The following INIP variants were observed in gnomAD, a reference collection of about 807,000 sequenced individuals.
INIP encodes the protein SOSS complex subunit C.
A neutral mutation model predicts 14.0 loss-of-function variants in INIP; 9 were observed. The observed-to-expected ratio is 0.64, with a 90% confidence interval of 0.39 to 1.12. INIP has a LOEUF of 1.12. Ranked by LOEUF, INIP falls within the 50% of genes most tolerant of loss-of-function variation. The pLI is 0.01. For synonymous variants in INIP, 37 were observed against 41.5 expected, an observed-to-expected ratio of 0.89 and a Z score of 0.41; for missense variants, 78 against 122.7, an observed-to-expected ratio of 0.64 and a Z score of 1.72.
At chr9:112,697,265 TTGGGAGGCCAAAG>T (rs1287058138) in intron 2 of INIP, among the ~76,000 whole-genome samples, 1 of 152,096 alleles carries the variant, frequency 6.6e-6, no homozygotes, top group African/African-American at 2.4e-5. Context: ...TCCCAGCATT[TTGGGAGGCCAAAG>T]TGGGAGGACC....
At chr9:112,695,991 G>A (rs1354336014) in intron 2 of INIP, among the ~76,000 whole-genome samples, 1 of 152,030 alleles carries the variant, frequency 6.6e-6, no homozygotes, top group Non-Finnish European at 1.5e-5. Context: ...GGGCTCGAGC[G>A]ATCCTCCTGC....
At chr9:112,689,269 T>A (rs1247192130) in intron 4 of INIP, among the ~76,000 whole-genome samples, 5 of 152,158 alleles carry the variant, frequency 3.3e-5, no homozygotes, top group Admixed American at 3.3e-4. Context: ...TATCCTAGAC[T>A]CTTGTGCACA....
intron 2 of INIP, among the ~76,000 whole-genome samples, chr9:112,706,198 A>G (rs1303855022): frequency 1.3e-5 from 2 of 152,250 alleles, no homozygotes; most frequent in Admixed American, 1.3e-4. Context: ...ATGTCAGGCA[A>G]TAACAAACAT....
intron 2 of INIP, chr9:112,701,793 T>C (rs1838308069): frequency 6.6e-6 from 1 of 152,176 alleles, no homozygotes. Flanking sequence ...CTCACATTTG[T>C]AATCCTAGTG....
chr9:112,706,196 C>T (rs181924480), intron 2 of INIP, among the ~76,000 whole-genome samples: 14 of 152,266 alleles, frequency 9.2e-5, no homozygotes, highest in African/African-American at 2.9e-4. Context: ...AAATGTCAGG[C>T]AATAACAAAC....
rs1055969109 is a variant in INIP at position 112,689,424 on chromosome 9, A to G, written c.219+103T>C. The G allele has an allele frequency of 4.3e-6, 4 of 919,546 alleles. No individual in the cohort carries two copies. The African/African-American group carries it at 6.6e-5, about 15-fold the overall frequency. 57.0% of individuals were successfully genotyped at this position (919,546 alleles called of 1,614,324 possible). On this transcript the variant is annotated intron_variant, in intron 4 of 4. Coordinates refer to ENST00000374242, the MANE Select transcript of INIP (RefSeq NM_021218.3). ...AAACCATTGCAATTATGTGTGGAACATTTTTATTGATATTGCTCCACTGAA... is the reference window on the plus strand; with the variant it reads ...AAACCATTGCAATTATGTGTGGAACGTTTTTATTGATATTGCTCCACTGAA...
chr9:112,716,665 T>G (rs1838826948), intron 1 of INIP, 124 bp from the exon 2 acceptor site: 1 of 427,626 alleles, frequency 2.3e-6, no homozygotes, highest in Non-Finnish European at 4.3e-6. Flanking sequence ...GATACATTTG[T>G]GCCGGGCGCG....
chr9:112,693,812 C>T (rs1588074830), intron 3 of INIP, among the ~76,000 whole-genome samples: 3 of 152,198 alleles, frequency 2.0e-5, no homozygotes, highest in South Asian at 4.1e-4. Flanking sequence ...CGGTGGGTCA[C>T]GCCTGTAATC....
rs991747839 is a variant in INIP at position 112,686,887 on chromosome 9, T to G, written c.*651A>C. ...ACACTAAATAAGAGGATGTACAAATTAAAAACCTACCACATTCCCTATTAT... is the reference window on the plus strand; with the variant it reads ...ACACTAAATAAGAGGATGTACAAATGAAAAACCTACCACATTCCCTATTAT... On this transcript the variant is annotated 3_prime_UTR_variant, in exon 5 of 5. Transcript: ENST00000374242. 1 of 152,192 alleles carries G rather than the reference T, an allele frequency of 6.6e-6. No individual in the cohort carries two copies. Among genetic ancestry groups the G allele is most frequent in the Non-Finnish European group, 1.5e-5 (1 of 68,034 alleles). The allele number at this position is 152,192 out of a possible 1,614,324, so 9.4% of individuals were successfully genotyped here. A position where few individuals can be genotyped will look rare whatever the true frequency, so the allele number is the denominator to read the frequency against.
chr9:112,689,968 C>G (rs2131281109), intron 3 of INIP, among the ~76,000 whole-genome samples: 1 of 152,162 alleles, frequency 6.6e-6, no homozygotes, highest in East Asian at 1.9e-4. Context: ...GTCCTTACTT[C>G]TGAATCACAA....
At chr9:112,693,837 G>C (rs1347269755) in intron 3 of INIP, among the ~76,000 whole-genome samples, 1 of 152,230 alleles carries the variant, frequency 6.6e-6, no homozygotes, top group Non-Finnish European at 1.5e-5. Context: ...CACTTTGGGA[G>C]ACCAAGGCGG....
Position 112,689,613 on chromosome 9 carries a change from C to T in INIP, c.133G>A (p.Ala45Thr). 6.2e-7 allele frequency: 1 copy of T among 1,613,308 alleles called. No homozygotes were observed. The highest frequency in any genetic ancestry group is 8.5e-7 in the Non-Finnish European group (1 of 1,179,282). Residue 45 changes from alanine to threonine, a missense_variant, in exon 4 of 5, where the codon GCA (alanine) becomes ACA (threonine). Physicochemically the swap from Ala to Thr is moderately conservative, Grantham distance 58. Coordinates refer to ENST00000374242, the MANE Select transcript of INIP (RefSeq NM_021218.3). Reference protein sequence around the residue: ...SSTNHPGASIALSRPSLNKDF... With the variant: ...SSTNHPGASITLSRPSLNKDF... ...TTATTAAGAGAGGGTCTCGAGAGTG[C>T]AATGCTAAAATGGGAATCTTGGTTA...
intron 2 of INIP, among the ~76,000 whole-genome samples, chr9:112,702,510 G>C (rs1021962660): frequency 6.6e-6 from 1 of 152,144 alleles, no homozygotes; most frequent in Non-Finnish European, 1.5e-5. Context: ...GGTGGCATGG[G>C]AAAGAGAAAA....
rs1341361236 is a variant in INIP, at chr9:112,686,640, G to T, written c.*898C>A. 1 of 152,282 alleles carries T rather than the reference G, an allele frequency of 6.6e-6. No individual in the cohort carries two copies. Among genetic ancestry groups the T allele is most frequent in the Non-Finnish European group, 1.5e-5 (1 of 68,120 alleles). The allele number at this position is 152,282 out of a possible 1,614,324, so 9.4% of individuals were successfully genotyped here. ...GCCTCCTGAGTAGCTGGGATTACAG[G>T]CGTGTGCCACCACACATGGCTAATT... On this transcript the variant is annotated 3_prime_UTR_variant, in exon 5 of 5. Transcript: ENST00000374242.
At position 112,713,702 on chromosome 9, in the gene INIP, T is replaced by TATCTGAGG. The variant is rs560490956; in HGVS notation, c.25+2751_25+2758dup. On this transcript the variant is annotated intron_variant, in intron 2 of 4. Transcript: ENST00000374242. ...AAGACCCTGTCTCTTAAAAAAAAGG[T>TATCTGAGG]ATCTGAGGCCGGGCACAGTGGCTCA... 7.9e-5 allele frequency among the ~76,000 whole-genome samples: 12 copies of TATCTGAGG among 151,620 alleles called. No homozygotes were observed. The East Asian group carries it at 2.3e-3, about 29-fold the overall frequency.
chr9:112,695,976 C>T (rs1407432788), intron 2 of INIP, among the ~76,000 whole-genome samples: 1 of 152,132 alleles, frequency 6.6e-6, no homozygotes, highest in African/African-American at 2.4e-5. Flanking sequence ...CAGCCTCAAA[C>T]TCCTGGGCTC....
At chr9:112,695,894 C>G (rs1433385067) in intron 2 of INIP, among the ~76,000 whole-genome samples, 1 of 150,822 alleles carries the variant, frequency 6.6e-6, no homozygotes, top group Non-Finnish European at 1.5e-5. Context: ...AGAAGACATG[C>G]CAGAATGTAT....
Position 112,684,317 on chromosome 9 carries a change from AGAGGACTGCTT to A in INIP, c.*3210_*3220del, listed in dbSNP as rs1183406617. On this transcript the variant is annotated 3_prime_UTR_variant, in exon 5 of 5. Transcript: ENST00000374242. Reference sequence around the variant, plus strand: ...TTAGGAGGCCAAGGTGGGAGGATCGAGAGGACTGCTTGAGGCCAAGAGTTCAAGACCAGCCT... The same window carrying A: ...TTAGGAGGCCAAGGTGGGAGGATCGAGAGGCCAAGAGTTCAAGACCAGCCT... 6.6e-6 allele frequency: 1 copy of A among 152,024 alleles called. No homozygotes were observed. Among genetic ancestry groups the A allele is most frequent in the East Asian group, 1.9e-4 (1 of 5,186 alleles). 9.4% of individuals were successfully genotyped at this position (152,024 alleles called of 1,614,324 possible). A position where few individuals can be genotyped will look rare whatever the true frequency, so the allele number is the denominator to read the frequency against.
chr9:112,694,130 C>T lies in INIP; in HGVS notation c.128+1G>A. On this transcript the variant is annotated splice_donor_variant, in intron 3 of 4. Coordinates refer to ENST00000374242, the MANE Select transcript of INIP (RefSeq NM_021218.3). LOFTEE classifies it high-confidence loss of function. ...AAAAACCCACATTATAGTGTCAATA[C>T]CTAGCTCCAGGATGATTTGTTGAAG... The T allele has an allele frequency of 1.9e-6, 3 of 1,572,472 alleles. No individual in the cohort carries two copies. The highest frequency in any genetic ancestry group is 2.6e-6 in the Non-Finnish European group (3 of 1,148,996).
Sources: allele counts gnomAD v4.1 joint callset (sites outside exome capture counted in the v4.1 genomes callset), GRCh38; gene constraint gnomAD v4.1.1; transcripts MANE v1.5; gene names NCBI Gene and HGNC (gene_info 2026-07-23, HGNC 2026-07-21).